The following PURG variants were observed in gnomAD, a reference collection of about 807,000 sequenced individuals.
PURG encodes the protein purine rich element binding protein G, also known as purine-rich element-binding protein gamma.
A neutral mutation model predicts 24.3 loss-of-function variants in PURG; 3 were observed. The observed-to-expected ratio is 0.12, with a 90% CI of 0.06 to 0.32. The LOEUF (loss-of-function observed/expected upper bound fraction) is 0.32, where lower values mean the gene tolerates loss of function less well. Ranked by LOEUF, PURG falls within the 10% of genes least tolerant of loss-of-function variation. PURG has a pLI of 1.00. For synonymous variants in PURG, 180 were observed against 173.1 expected, an observed-to-expected ratio of 1.04 and a Z score of -0.31; for missense variants, 371 against 439.1, an observed-to-expected ratio of 0.84 and a Z score of 1.39.
intron 1 of PURG, among the ~76,000 whole-genome samples, chr8:31,012,675 C>G (rs1292764228): frequency 2.0e-5 from 3 of 152,134 alleles, no homozygotes; most frequent in Non-Finnish European, 4.4e-5. Flanking sequence ...GATCCAATTC[C>G]CTCAATTTAT....
chr8:31,021,060 C>T (rs187892373), intron 1 of PURG, among the ~76,000 whole-genome samples: 1,535 of 152,082 alleles, frequency 0.01, 16 homozygotes, highest in South Asian at 0.019. Context: ...GGAGAATTAT[C>T]TGTTTATTGT....
intron 1 of PURG, among the ~76,000 whole-genome samples, chr8:31,013,322 T>C (rs1424233438): frequency 1.3e-5 from 2 of 152,228 alleles, no homozygotes; most frequent in African/African-American, 2.4e-5. Flanking sequence ...ACTTTAGTCA[T>C]TATAAATCTT....
intron 1 of PURG, among the ~76,000 whole-genome samples, chr8:31,003,309 C>T (rs1044130771): frequency 1.3e-5 from 2 of 152,036 alleles, no homozygotes; most frequent in African/African-American, 2.4e-5. Flanking sequence ...AGAAATATTT[C>T]AAGAACGGGA....
At chr8:31,002,319 A>G (rs939047552) in intron 1 of PURG, among the ~76,000 whole-genome samples, 3 of 152,224 alleles carry the variant, frequency 2.0e-5, no homozygotes, top group Admixed American at 1.3e-4. Flanking sequence ...TCTTCCTCTG[A>G]TAAGATGGGA....
chr8:31,023,682 AG>A (rs1415248793), intron 1 of PURG, among the ~76,000 whole-genome samples: 1 of 152,194 alleles, frequency 6.6e-6, no homozygotes, highest in African/African-American at 2.4e-5. Flanking sequence ...CCAAACCATT[AG>A]ATGTTTAATC....
Position 31,032,573 on chromosome 8 carries a change from C to G in PURG, c.210G>C (p.Lys70Asn). 6.2e-7 allele frequency: 1 copy of G among 1,613,038 alleles called. No homozygotes were observed. Among genetic ancestry groups the G allele is most frequent in the Non-Finnish European group, 8.5e-7 (1 of 1,179,132 alleles). ...TTTGCTTCACGTCTAGGTAAAACCT[C>G]TTTTTCTGGATGTCCACTCGTTTGG... The part of the protein sequence containing the change: ...LASKRVDIQK[K>N]RFYLDVKQSS... The change falls in exon 2 of 2, where the codon AAG (lysine) becomes AAC (asparagine). Residue 70 changes from lysine to asparagine, a missense_variant. Coordinates refer to ENST00000523392, the MANE Select transcript of PURG (RefSeq NM_001323311.2). This position sits in a 1 kb window ranked among gnomAD's most constrained non-coding sequence, Gnocchi z 5.9.
At chr8:31,023,804 T>C (rs1274879040) in intron 1 of PURG, among the ~76,000 whole-genome samples, 1 of 152,150 alleles carries the variant, frequency 6.6e-6, no homozygotes, top group African/African-American at 2.4e-5. Context: ...CATAGGATAT[T>C]GGACAGGATC....
chr8:30,996,531 CTTCAG>C (rs1810430947), exon 2 of PURG: 1 of 1,297,478 alleles, frequency 7.7e-7, no homozygotes, highest in Admixed American at 1.9e-5. Flanking sequence ...TCATGATGAA[CTTCAG>C]TTCATTTCTT....
chr8:31,013,746 AG>A (rs1417978249), intron 1 of PURG, among the ~76,000 whole-genome samples: 1 of 152,214 alleles, frequency 6.6e-6, no homozygotes, highest in Non-Finnish European at 1.5e-5. Flanking sequence ...AAAAAATAAA[AG>A]GTTCCTACTG....
intron 1 of PURG, among the ~76,000 whole-genome samples, chr8:30,998,092 A>C (rs903782072): frequency 1.6e-4 from 24 of 151,848 alleles, no homozygotes; most frequent in African/African-American, 5.8e-4. Context: ...ATTAAAAGTG[A>C]GATTTAAAAA....
At chr8:31,012,803 T>A (rs1294541891) in intron 1 of PURG, among the ~76,000 whole-genome samples, 5 of 152,210 alleles carry the variant, frequency 3.3e-5, no homozygotes, top group African/African-American at 1.2e-4. Flanking sequence ...TACTGCACGC[T>A]ATGAAGTCAG....
At position 31,032,878 on chromosome 8, in the gene PURG, C is replaced by G; in HGVS notation, c.-6-90G>C. The G allele has an allele frequency of 9.6e-7, 1 of 1,042,756 alleles. No individual in the cohort carries two copies. Among genetic ancestry groups the G allele is most frequent in the Admixed American group, 4.4e-5 (1 of 22,984 alleles). 64.6% of individuals were successfully genotyped at this position (1,042,756 alleles called of 1,614,324 possible). A position where few individuals can be genotyped will look rare whatever the true frequency, so the allele number is the denominator to read the frequency against. ...CCCCTCGGCCTGACCGCCCCGCCGC[C>G]GCCCGCGACCCCCACGCCGGGCCCG... On this transcript the variant is annotated intron_variant, in intron 1 of 1. Coordinates refer to ENST00000523392, the MANE Select transcript of PURG (RefSeq NM_001323311.2). The surrounding 1 kb of genome is among the most constrained non-coding windows in gnomAD (Gnocchi z 5.9).
chr8:31,010,855 A>G (rs548771163), intron 1 of PURG, among the ~76,000 whole-genome samples: 2 of 152,334 alleles, frequency 1.3e-5, no homozygotes, highest in Non-Finnish European at 2.9e-5. Flanking sequence ...AAAATTACAC[A>G]TTCTTTTTAT....
chr8:31,013,555 G>A (rs1176782603), intron 1 of PURG, among the ~76,000 whole-genome samples: 1 of 152,090 alleles, frequency 6.6e-6, no homozygotes, highest in Admixed American at 6.6e-5. Flanking sequence ...CGGCCAACAT[G>A]GTGAAACTTC....
chr8:30,996,438 A>G, exon 2 of PURG: 1 of 521,332 alleles, frequency 1.9e-6, no homozygotes, highest in Non-Finnish European at 3.4e-6. Context: ...TATTCAACAT[A>G]AGATCAGTTT....
downstream of PURG, among the ~76,000 whole-genome samples, chr8:31,026,493 T>C (rs1207659293): frequency 2.0e-5 from 3 of 151,322 alleles, no homozygotes; most frequent in Admixed American, 2.0e-4. Context: ...ATAGTTAATA[T>C]ATTTCAAATT....
At chr8:31,008,796 CAATA>C (rs1303592499) in intron 1 of PURG, among the ~76,000 whole-genome samples, 1 of 152,180 alleles carries the variant, frequency 6.6e-6, no homozygotes, top group Non-Finnish European at 1.5e-5. Flanking sequence ...CCAAATTTCA[CAATA>C]AATGACAGAA....
chr8:30,998,248 C>T (rs1406770225), intron 1 of PURG, among the ~76,000 whole-genome samples: 2 of 151,650 alleles, frequency 1.3e-5, no homozygotes, highest in African/African-American at 4.8e-5. Context: ...CTGTATTGTT[C>T]ATTGGTTATA....
In PURG at chr8:31,016,488, C is replaced by G. The variant is rs16877642; in HGVS notation, c.864+15431G>C. 9.2e-3 allele frequency among the ~76,000 whole-genome samples: 1,344 copies of G among 145,566 alleles called. 21 individuals carry two copies. The highest frequency in any genetic ancestry group is 0.032 in the African/African-American group (1,281 of 39,654). ...TTAATATTGTAACCAAAAAAATCAT[C>G]ATTCCATGGTGTCATGACTGACAGT... On this transcript the variant is annotated intron_variant, in intron 1 of 1. Transcript: ENST00000339382.
Sources: gnomAD v4.1 joint callset for allele counts (sites outside exome capture counted in the v4.1 genomes callset) on GRCh38, gnomAD v4.1.1 for gene constraint, Gnocchi (gnomAD v3.1) non-coding constraint, MANE v1.5 for transcripts, NCBI Gene and HGNC (gene_info 2026-07-23, HGNC 2026-07-21) for gene names.